PITPNC1: variants seen among roughly 807,000 people sequenced by gnomAD.
The protein encoded by PITPNC1 is cytoplasmic phosphatidylinositol transfer protein 1.
Under a neutral mutation model 44.7 loss-of-function variants are expected in PITPNC1, and 18 were observed. The ratio of observed to expected loss-of-function variants is 0.40; its 90% CI spans 0.28 to 0.60. The LOEUF (loss-of-function observed/expected upper bound fraction) is 0.60. Ranked by LOEUF, PITPNC1 falls within the 20% of genes least tolerant of loss-of-function variation. The pLI is 0.39. For synonymous variants in PITPNC1, 141 were observed against 149.6 expected, an observed-to-expected ratio of 0.94 and a Z score of 0.42; for missense variants, 290 against 418.4, an observed-to-expected ratio of 0.69 and a Z score of 2.68.
At chr17:67,423,473 C>G (rs773584069) in intron 1 of PITPNC1, among the ~76,000 whole-genome samples, 1 of 152,080 alleles carries the variant, frequency 6.6e-6, no homozygotes, top group Non-Finnish European at 1.5e-5. Flanking sequence ...GGTGGCGAAA[C>G]CTGAATATTA....
intron 1 of PITPNC1, among the ~76,000 whole-genome samples, chr17:67,434,781 G>A (rs1037017686): frequency 7.8e-5 from 11 of 141,684 alleles, no homozygotes; most frequent in Admixed American, 1.5e-4. Flanking sequence ...GGGAACAACA[G>A]AGTGAGACTC....
intron 1 of PITPNC1, among the ~76,000 whole-genome samples, chr17:67,427,473 A>G (rs1342135304): frequency 1.3e-5 from 2 of 151,926 alleles, no homozygotes; most frequent in Non-Finnish European, 2.9e-5. Flanking sequence ...CGGCCTCCCA[A>G]AGTGTTGGTA....
intron 6 of PITPNC1, chr17:67,632,567 C>CTA: frequency 4.6e-6 from 1 of 219,070 alleles, no homozygotes; most frequent in Admixed American, 6.1e-5. Context: ...ATTACATGCG[C>CTA]TCTTTTTTTT....
chr17:67,663,266 G>A (rs1001775438), intron 6 of PITPNC1, among the ~76,000 whole-genome samples: 36 of 152,100 alleles, frequency 2.4e-4, no homozygotes, highest in African/African-American at 8.7e-4. Flanking sequence ...GTGAGCCGGT[G>A]GTGTTAAAAG....
At chr17:67,456,263 T>C (rs1275325308) in intron 1 of PITPNC1, among the ~76,000 whole-genome samples, 1 of 152,242 alleles carries the variant, frequency 6.6e-6, no homozygotes, top group Non-Finnish European at 1.5e-5. Context: ...ACATGTTTTC[T>C]AATGTCTCTA....
chr17:67,545,079 A>C (rs1299137469), intron 2 of PITPNC1, among the ~76,000 whole-genome samples: 1 of 152,180 alleles, frequency 6.6e-6, no homozygotes, highest in East Asian at 1.9e-4. Context: ...TGGGAGGCTG[A>C]GGCAGGAGGA....
At chr17:67,595,290 T>C (rs2041445505) in intron 5 of PITPNC1, among the ~76,000 whole-genome samples, 1 of 152,174 alleles carries the variant, frequency 6.6e-6, no homozygotes, top group African/African-American at 2.4e-5. Flanking sequence ...GGCTTCCTAA[T>C]AATGCAAATG....
intron 6 of PITPNC1, among the ~76,000 whole-genome samples, chr17:67,668,277 A>G (rs968087201): frequency 6.6e-6 from 1 of 152,240 alleles, no homozygotes; most frequent in Non-Finnish European, 1.5e-5. Context: ...ACATAGCATC[A>G]GTGAGAGTTG....
chr17:67,627,787 C>T (rs2041913504), intron 5 of PITPNC1, among the ~76,000 whole-genome samples: 1 of 152,128 alleles, frequency 6.6e-6, no homozygotes, highest in Non-Finnish European at 1.5e-5. Context: ...TTGAGCAAGC[C>T]TCTTTACTTC....
intron 1 of PITPNC1, among the ~76,000 whole-genome samples, chr17:67,454,584 A>G (rs2039229206): frequency 6.6e-6 from 1 of 152,146 alleles, no homozygotes; most frequent in South Asian, 2.1e-4. Flanking sequence ...TGGACCCTGC[A>G]TTGGAGTATG....
At chr17:67,545,453 G>A (rs1016643140) in intron 2 of PITPNC1, among the ~76,000 whole-genome samples, 8 of 152,134 alleles carry the variant, frequency 5.3e-5, no homozygotes, top group Non-Finnish European at 1.2e-4. Context: ...TGGCATGCCT[G>A]TAGTCCCAGC....
At chr17:67,468,694 T>C (rs1283964750) in intron 1 of PITPNC1, among the ~76,000 whole-genome samples, 1 of 149,530 alleles carries the variant, frequency 6.7e-6, no homozygotes, top group Non-Finnish European at 1.5e-5. Flanking sequence ...TGAACCACCG[T>C]GCCTGGCCGC....
At chr17:67,648,559 T>C (rs1259267804) in intron 6 of PITPNC1, among the ~76,000 whole-genome samples, 1 of 152,186 alleles carries the variant, frequency 6.6e-6, no homozygotes, top group Non-Finnish European at 1.5e-5. Context: ...AACAGGTTAG[T>C]GTTCTGCAAC....
At chr17:67,655,981 G>A (rs766793228) in intron 6 of PITPNC1, among the ~76,000 whole-genome samples, 2 of 152,168 alleles carry the variant, frequency 1.3e-5, no homozygotes, top group Non-Finnish European at 1.5e-5. Flanking sequence ...GGCAACAAAC[G>A]TTCAGACCAA....
At chr17:67,472,595 C>T (rs1251778581) in intron 1 of PITPNC1, among the ~76,000 whole-genome samples, 3 of 149,194 alleles carry the variant, frequency 2.0e-5, no homozygotes, top group East Asian at 2.0e-4. Context: ...TGCAGTAAGC[C>T]GAGATTGCAC....
chr17:67,667,715 TACTTTGGGAGGCCTAGC>T (rs997352549), intron 6 of PITPNC1, among the ~76,000 whole-genome samples: 69 of 150,522 alleles, frequency 4.6e-4, no homozygotes, highest in Non-Finnish European at 7.5e-4. Context: ...TTCATGCTTG[TACTTTGGGAGGCCTAGC>T]ACTTTGGGAG....
intron 1 of PITPNC1, among the ~76,000 whole-genome samples, chr17:67,511,341 G>C (rs1250063070): frequency 6.6e-6 from 1 of 152,162 alleles, no homozygotes; most frequent in African/African-American, 2.4e-5. Context: ...AATTGCAAAA[G>C]GGTTTCTCTA....
rs150660232 is a variant in PITPNC1 at position 67,474,553 on chromosome 17, T to C, written c.49-58249T>C. Among the ~76,000 whole-genome samples the C allele has an allele frequency of 4.9e-3, 746 of 152,228 alleles. 6 individuals are homozygous for C. The highest frequency in any genetic ancestry group is 0.017 in the African/African-American group (704 of 41,534). ...TTCCCCAGCAGTGACCACCAAAATG[T>C]CTCCAGGCAGTGTCAAATGTGCCCT... On this transcript the variant is annotated intron_variant, in intron 1 of 8. Coordinates refer to ENST00000581322, the MANE Select transcript of PITPNC1 (RefSeq NM_012417.4).
At chr17:67,606,183 A>G (rs922677674) in intron 5 of PITPNC1, among the ~76,000 whole-genome samples, 9 of 152,182 alleles carry the variant, frequency 5.9e-5, no homozygotes, top group Non-Finnish European at 1.3e-4. Flanking sequence ...AGTTTGGTTG[A>G]AAAAAAGTCT....
Sources: allele counts gnomAD v4.1 joint callset (sites outside exome capture counted in the v4.1 genomes callset), GRCh38; gene constraint gnomAD v4.1.1; transcripts MANE v1.5; gene names NCBI Gene and HGNC (gene_info 2026-07-23, HGNC 2026-07-21).